LTN1: variants seen among roughly 807,000 people sequenced by gnomAD.
LTN1 encodes the protein listerin E3 ubiquitin protein ligase 1, also known as E3 ubiquitin-protein ligase listerin.
Under a neutral mutation model 201.2 loss-of-function variants are expected in LTN1, and 88 were observed. The ratio of observed to expected loss-of-function variants is 0.44; its 90% CI spans 0.37 to 0.52. The LOEUF is 0.52. Ranked by LOEUF, LTN1 falls within the 20% of genes least tolerant of loss-of-function variation. The probability of loss-of-function intolerance (pLI) is 0.00; values close to 1 mark genes in which losing one functional copy is unlikely to be tolerated. For synonymous variants in LTN1, 645 were observed against 713.5 expected, an observed-to-expected ratio of 0.90 and a Z score of 1.53; for missense variants, 1,752 against 2,038.7, an observed-to-expected ratio of 0.86 and a Z score of 2.71.
chr21:28,944,067 TA>T (rs1370566594), intron 22 of LTN1, among the ~76,000 whole-genome samples, 163 bp from the exon 23 acceptor site: 2 of 152,222 alleles, frequency 1.3e-5, no homozygotes, highest in Non-Finnish European at 2.9e-5. Context: ...ATATTCCAGT[TA>T]ATCTCAACTG....
intron 29 of LTN1, among the ~76,000 whole-genome samples, 173 bp downstream of exon 29, chr21:28,930,982 T>TA (rs1171117445): frequency 6.6e-6 from 1 of 152,156 alleles, no homozygotes; most frequent in Non-Finnish European, 1.5e-5. Context: ...TGGCAGATTT[T>TA]AAAAAATCAC....
At chr21:28,988,156 ACAAC>A (rs1224839566) in intron 1 of LTN1, among the ~76,000 whole-genome samples, 57 of 101,522 alleles carry the variant, frequency 5.6e-4, no homozygotes, top group East Asian at 1.8e-3. Context: ...AAAAAAAAAA[ACAAC>A]AAAAAAAAAC....
chr21:28,987,207 A>G (rs1035527335), intron 1 of LTN1, among the ~76,000 whole-genome samples: 4 of 152,192 alleles, frequency 2.6e-5, no homozygotes, highest in Non-Finnish European at 2.9e-5. Flanking sequence ...CATGATATCA[A>G]TATAATGGAC....
At chr21:28,985,531 T>C (rs2084691552) in intron 3 of LTN1, among the ~76,000 whole-genome samples, 3 of 150,738 alleles carry the variant, frequency 2.0e-5, no homozygotes. Context: ...CTGCAGCAAA[T>C]ATACAGGGAA....
intron 25 of LTN1, among the ~76,000 whole-genome samples, chr21:28,939,426 C>A (rs1190862660): frequency 6.6e-6 from 1 of 152,248 alleles, no homozygotes; most frequent in East Asian, 1.9e-4. Context: ...AAAACAGACA[C>A]AAAAACATAC....
At chr21:28,985,066 T>C (rs901705829) in intron 3 of LTN1, 144 bp from the exon 4 acceptor site, 3 of 586,004 alleles carry the variant, frequency 5.1e-6, no homozygotes, top group African/African-American at 1.9e-5. Flanking sequence ...AAATCAATAA[T>C]TTGGAGGTTT....
intron 8 of LTN1, 58 bp from the exon 9 acceptor site, chr21:28,969,659 A>G: frequency 1.5e-6 from 2 of 1,370,890 alleles, no homozygotes; most frequent in Non-Finnish European, 2.0e-6. Context: ...AGAACTCAGA[A>G]TTATCAAAAT....
intron 9 of LTN1, among the ~76,000 whole-genome samples, chr21:28,969,154 G>A (rs573850920): frequency 5.9e-5 from 9 of 152,002 alleles, no homozygotes; most frequent in Non-Finnish European, 8.8e-5. Context: ...CCGGGAGGCA[G>A]AGGTTGCAGT....
chr21:28,968,296 G>A (rs2084543395), intron 9 of LTN1, among the ~76,000 whole-genome samples: 1 of 151,872 alleles, frequency 6.6e-6, no homozygotes, highest in Non-Finnish European at 1.5e-5. Flanking sequence ...TTAACTATAG[G>A]CAAATCTAAG....
At chr21:28,981,762 CAT>C (rs1258228865) in intron 5 of LTN1, among the ~76,000 whole-genome samples, 2 of 152,190 alleles carry the variant, frequency 1.3e-5, no homozygotes, top group Admixed American at 1.3e-4. Flanking sequence ...AAGAAGGAAA[CAT>C]ATAAAAACAT....
chr21:28,963,122 T>A (rs1342224100), intron 11 of LTN1, among the ~76,000 whole-genome samples: 1 of 152,234 alleles, frequency 6.6e-6, no homozygotes, highest in African/African-American at 2.4e-5. Context: ...ATGTAGAAGC[T>A]GCAGCATGTT....
rs2084697787 is a variant in LTN1, at chr21:28,986,274, C to A, written c.247-37G>T. The A allele has an allele frequency of 1.7e-6, 2 of 1,172,212 alleles. No individual in the cohort carries two copies. The highest frequency in any genetic ancestry group is 2.5e-6 in the Non-Finnish European group (2 of 785,978). 72.6% of individuals were successfully genotyped at this position (1,172,212 alleles called of 1,614,324 possible). A position where few individuals can be genotyped will look rare whatever the true frequency, so the allele number is the denominator to read the frequency against. ...TTATTAACATCATTAGGATTAACAA[C>A]CATAATAACTGGCTATAGATTATTC... On this transcript the variant is annotated intron_variant, in intron 2 of 29. Transcript: ENST00000361371. The surrounding 1 kb of genome is among the most constrained non-coding windows in gnomAD (Gnocchi z 4.1).
At chr21:28,958,577 T>G (rs373740348) in intron 13 of LTN1, 38 bp from the exon 14 acceptor site, 1 of 1,452,710 alleles carries the variant, frequency 6.9e-7, no homozygotes, top group African/African-American at 1.4e-5. Context: ...GTAATCTCAC[T>G]GAATTAACTC....
intron 1 of LTN1, among the ~76,000 whole-genome samples, chr21:28,987,861 C>T (rs1458919434): frequency 6.6e-6 from 1 of 152,090 alleles, no homozygotes; most frequent in African/African-American, 2.4e-5. Flanking sequence ...TTGCTCATAC[C>T]GGCCGGGCAC....
At chr21:28,969,428 G>C in intron 9 of LTN1, 38 bp downstream of exon 9, 1 of 1,567,200 alleles carries the variant, frequency 6.4e-7, no homozygotes, top group Non-Finnish European at 8.7e-7. Flanking sequence ...TACATAATCA[G>C]TATGCAAAGA....
chr21:28,932,453 T>C lies in LTN1; in HGVS notation c.5070+17A>G, dbSNP rs1178368879. 2 of 1,606,184 alleles carry C rather than the reference T, an allele frequency of 1.2e-6. No homozygotes were observed. The highest frequency in any genetic ancestry group is 4.5e-5 in the East Asian group (2 of 44,814). On this transcript the variant is annotated intron_variant, in intron 28 of 29. Coordinates refer to ENST00000361371, the MANE Select transcript of LTN1 (RefSeq NM_015565.3). The stretch of plus-strand genomic sequence containing the variant: ...TTTTCCAAGTTTGTAAAGCCAAATG[T>C]GTAAACAGAAACTTACCTGATGGGT...
In LTN1 at chr21:28,931,261, C is replaced by T. The variant is rs1184754311; in HGVS notation, c.5132G>A (p.Gly1711Asp). ...GAAACAGATCATGCAATCTTCAACA[C>T]CCTCAAAACGTTTGTCTACGTTATT... is the stretch of plus-strand genomic sequence containing the variant. ...WKNNVDKRFE[G>D]VEDCMICFSV... The change falls in exon 29 of 30, where the codon GGT becomes GAT. Residue 1711 changes from glycine to aspartate, a missense_variant. Gly to Asp is a moderately conservative substitution (Grantham distance 94). Transcript: ENST00000361371. 6.2e-7 allele frequency: 1 copy of T among 1,612,838 alleles called. No individual in the cohort carries two copies. The highest frequency in any genetic ancestry group is 8.5e-7 in the Non-Finnish European group (1 of 1,179,108).
chr21:28,954,129 C>T (rs931180254), intron 16 of LTN1, among the ~76,000 whole-genome samples: 2 of 152,194 alleles, frequency 1.3e-5, no homozygotes, highest in African/African-American at 2.4e-5. Context: ...AATAATATTG[C>T]CAATTTGTAA....
intron 7 of LTN1, 122 bp from the exon 8 acceptor site, chr21:28,970,864 A>G (rs1484174382): frequency 1.6e-6 from 1 of 620,546 alleles, no homozygotes; most frequent in East Asian, 3.0e-5. Context: ...AAAAGCTAAA[A>G]TCTTTCACCA....
Sources: gnomAD v4.1 joint callset for allele counts (sites outside exome capture counted in the v4.1 genomes callset) on GRCh38, gnomAD v4.1.1 for gene constraint, Gnocchi (gnomAD v3.1) non-coding constraint, MANE v1.5 for transcripts, NCBI Gene and HGNC (gene_info 2026-07-23, HGNC 2026-07-21) for gene names.